CDH11: variants seen among roughly 807,000 people sequenced by gnomAD.
CDH11 encodes the protein cadherin-11.
Under a neutral mutation model 67.8 loss-of-function variants are expected in CDH11, and 11 were observed. That is an observed-to-expected ratio of 0.16 (90% confidence interval 0.10 to 0.27). The LOEUF (loss-of-function observed/expected upper bound fraction) is 0.27. Ranked by LOEUF, CDH11 falls within the 10% of genes least tolerant of loss-of-function variation. CDH11 has a pLI of 1.00. For synonymous variants in CDH11, 419 were observed against 400.0 expected, an observed-to-expected ratio of 1.05 and a Z score of -0.57; for missense variants, 847 against 1,031.2, an observed-to-expected ratio of 0.82 and a Z score of 2.45.
At chr16:65,019,242 C>T (rs1447793799) in intron 2 of CDH11, among the ~76,000 whole-genome samples, 1 of 152,076 alleles carries the variant, frequency 6.6e-6, no homozygotes, top group Non-Finnish European at 1.5e-5. Context: ...TTGATTTTGG[C>T]AAGTTTGTCA....
At chr16:64,972,111 C>T (rs1476534017) in intron 9 of CDH11, 47 bp from the exon 10 acceptor site, 3 of 1,566,316 alleles carry the variant, frequency 1.9e-6, no homozygotes, top group Non-Finnish European at 2.6e-6. Flanking sequence ...AGGAGAAATA[C>T]ACATTGGTCC....
At chr16:65,107,381 G>A (rs1436151210) in intron 1 of CDH11, among the ~76,000 whole-genome samples, 1 of 152,166 alleles carries the variant, frequency 6.6e-6, no homozygotes, top group Non-Finnish European at 1.5e-5. Context: ...TACAGTAAAT[G>A]CTCAGTCCAC....
chr16:65,058,626 C>A (rs1335888673), intron 1 of CDH11, among the ~76,000 whole-genome samples: 1 of 152,136 alleles, frequency 6.6e-6, no homozygotes, highest in Non-Finnish European at 1.5e-5. Flanking sequence ...AAGTTCCAAA[C>A]CCATATGGTA....
chr16:65,008,001 TG>T, intron 2 of CDH11, among the ~76,000 whole-genome samples: 1 of 152,342 alleles, frequency 6.6e-6, no homozygotes, highest in Non-Finnish European at 1.5e-5. Context: ...TTGCCCATCT[TG>T]CACCATGCCA....
Position 64,944,834 on chromosome 16 carries a change from T to A in CDH11, c.*2769A>T, listed in dbSNP as rs2071167388. On this transcript the variant is annotated 3_prime_UTR_variant, in exon 13 of 13. Transcript: ENST00000268603. ...CTCCTTCCTGTTATATCTTTTATGT[T>A]CTTCCTTCAATTTGGAAGGAGAGAA... 4.4e-6 allele frequency: 1 copy of A among 226,694 alleles called. No individual in the cohort carries two copies. The highest frequency in any genetic ancestry group is 8.8e-6 in the Non-Finnish European group (1 of 113,870). The allele number at this position is 226,694 out of a possible 1,614,324, so 14.0% of individuals were successfully genotyped here.
At chr16:65,053,157 C>T (rs1369100037) in intron 2 of CDH11, among the ~76,000 whole-genome samples, 2 of 152,156 alleles carry the variant, frequency 1.3e-5, no homozygotes, top group Non-Finnish European at 2.9e-5. Context: ...ATTTAGTTGT[C>T]TCCTGTGAAT....
chr16:65,105,667 T>A (rs1242868975), intron 1 of CDH11, among the ~76,000 whole-genome samples: 2 of 152,184 alleles, frequency 1.3e-5, no homozygotes, highest in African/African-American at 4.8e-5. Context: ...GAGTTGATAT[T>A]TTCAAGATCT....
At chr16:64,957,877 C>A (rs895998733) in intron 11 of CDH11, among the ~76,000 whole-genome samples, 3 of 151,954 alleles carry the variant, frequency 2.0e-5, no homozygotes, top group Non-Finnish European at 2.9e-5. Flanking sequence ...CAATGTTTAC[C>A]ATCTTCAATC....
chr16:65,097,379 C>T (rs1011331287), intron 1 of CDH11, among the ~76,000 whole-genome samples: 1 of 152,216 alleles, frequency 6.6e-6, no homozygotes, highest in African/African-American at 2.4e-5. Flanking sequence ...ATTGTCATGA[C>T]TGTTCAATAA....
chr16:64,969,277 C>T (rs1053872158), intron 11 of CDH11, among the ~76,000 whole-genome samples: 2 of 152,222 alleles, frequency 1.3e-5, no homozygotes, highest in East Asian at 1.9e-4. Flanking sequence ...AGAAAATGTA[C>T]AGGGCAGGTG....
At chr16:64,958,463 T>C (rs1376213381) in intron 11 of CDH11, among the ~76,000 whole-genome samples, 1 of 152,206 alleles carries the variant, frequency 6.6e-6, no homozygotes, top group Non-Finnish European at 1.5e-5. Flanking sequence ...ACTGCTAATA[T>C]GGGCAAACGC....
intron 3 of CDH11, among the ~76,000 whole-genome samples, chr16:65,003,108 G>A (rs1262088674): frequency 7.1e-6 from 1 of 140,484 alleles, no homozygotes; most frequent in Non-Finnish European, 1.5e-5. Flanking sequence ...TGAGATGGAG[G>A]CCTTTGTCTC....
intron 12 of CDH11, among the ~76,000 whole-genome samples, chr16:64,949,430 T>C (rs1216245089): frequency 1.4e-5 from 2 of 147,714 alleles, no homozygotes; most frequent in African/African-American, 2.5e-5. Flanking sequence ...TTTTTCTTTT[T>C]TTTTTTTTTT....
rs1035633289 is a variant in CDH11 at position 64,943,996 on chromosome 16, T to C, written c.*3607A>G. On this transcript the variant is annotated 3_prime_UTR_variant, in exon 13 of 13. Transcript: ENST00000268603. ...ACCTGCTTTCCATGGAAAAGGAACG[T>C]GTTTTTTTTTGTATCAGGAACCGAA... The C allele has an allele frequency of 1.3e-5, 3 of 231,678 alleles. No individual in the cohort carries two copies. Among genetic ancestry groups the C allele is most frequent in the Non-Finnish European group, 2.6e-5 (3 of 117,188 alleles). The allele number at this position is 231,678 out of a possible 1,614,324, so 14.4% of individuals were successfully genotyped here.
intron 11 of CDH11, among the ~76,000 whole-genome samples, chr16:64,957,754 T>G (rs1470383884): frequency 6.6e-6 from 1 of 152,130 alleles, no homozygotes; most frequent in African/African-American, 2.4e-5. Flanking sequence ...TTCAGAAGTA[T>G]AGATGACACA....
chr16:65,019,189 T>C (rs1369164238), intron 2 of CDH11, among the ~76,000 whole-genome samples: 6 of 152,288 alleles, frequency 3.9e-5, no homozygotes, highest in African/African-American at 9.6e-5. Flanking sequence ...TTAGGAGACT[T>C]AGTATTTAAA....
intron 7 of CDH11, among the ~76,000 whole-genome samples, chr16:64,984,445 A>C (rs888427126): frequency 6.6e-6 from 1 of 152,224 alleles, no homozygotes; most frequent in African/African-American, 2.4e-5. Context: ...ACAAGATGTG[A>C]GGTAGTTTCC....
At chr16:65,075,706 C>T (rs765571048) in intron 1 of CDH11, among the ~76,000 whole-genome samples, 42 of 152,172 alleles carry the variant, frequency 2.8e-4, no homozygotes, top group Non-Finnish European at 5.6e-4. Flanking sequence ...TCCTAATGCT[C>T]CCAGGATGCC....
intron 7 of CDH11, chr16:64,987,465 T>C (rs972198353): frequency 6.6e-6 from 1 of 152,214 alleles, no homozygotes; most frequent in African/African-American, 2.4e-5. Context: ...TTCATACTTT[T>C]GTTTGTTTTT....
Sources: gnomAD v4.1 joint callset for allele counts (sites outside exome capture counted in the v4.1 genomes callset) on GRCh38, gnomAD v4.1.1 for gene constraint, MANE v1.5 for transcripts, NCBI Gene and HGNC (gene_info 2026-07-23, HGNC 2026-07-21) for gene names.